Variants in BTG4 observed in about 807,000 individuals in gnomAD.
BTG4 encodes BTG anti-proliferation factor 4.
Under a neutral mutation model 19.3 loss-of-function variants are expected in BTG4, and 10 were observed. That is an observed-to-expected ratio of 0.52 (90% CI 0.32 to 0.88). BTG4 has a LOEUF of 0.88. BTG4 is among the 40% of genes least tolerant of loss of function. The pLI is 0.04. For synonymous variants in BTG4, 91 were observed against 95.7 expected (o/e 0.95, Z 0.29); for missense variants, 238 against 281.9 (o/e 0.84, Z 1.11).
chr11:111,413,372 CG>C, the BTG4 span, among the ~76,000 whole-genome samples: 34 of 152,362 alleles, frequency 2.2e-4, no homozygotes, highest in South Asian at 4.1e-4. Context: ...CTCAGGTGAT[CG>C]GAATGCACAC....
At chr11:111,462,616 C>T (rs1165384091), downstream of BTG4, among the ~76,000 whole-genome samples, 2 of 152,232 alleles carry the variant, frequency 1.3e-5, no homozygotes, top group Admixed American at 6.5e-5. Context: ...ATTGTCTTTT[C>T]TTCTCCTCCC....
the BTG4 span, among the ~76,000 whole-genome samples, chr11:111,403,184 C>A: frequency 5.3e-5 from 8 of 152,276 alleles, no homozygotes; most frequent in Admixed American, 5.2e-4. Flanking sequence ...GATTTCTCTA[C>A]TTGAGAAACC....
chr11:111,448,494 A>C, the BTG4 span: 1 of 152,982 alleles, frequency 6.5e-6, no homozygotes, highest in Non-Finnish European at 1.5e-5. Context: ...TCCCCCGGGA[A>C]CTTTCCTGTC....
At chr11:111,500,001 G>A (rs573307258) in intron 1 of BTG4, among the ~76,000 whole-genome samples, 2 of 152,154 alleles carry the variant, frequency 1.3e-5, no homozygotes, top group East Asian at 3.9e-4. Context: ...AATTATCCAG[G>A]CATGGTGGCA....
chr11:111,507,739 A>G (rs1374236689), intron 1 of BTG4: 2 of 152,186 alleles, frequency 1.3e-5, no homozygotes, highest in East Asian at 3.8e-4. Context: ...GTCAGCCCCT[A>G]AAGAGGAGAG....
At chr11:111,404,573 T>C in the BTG4 span, 7 of 456,102 alleles carry the variant, frequency 1.5e-5, no homozygotes, top group African/African-American at 1.2e-4. Context: ...CTCCTCACTT[T>C]TTCAGTTATT....
At chr11:111,436,132 G>C in the BTG4 span, among the ~76,000 whole-genome samples, 1 of 152,080 alleles carries the variant, frequency 6.6e-6, no homozygotes, top group Non-Finnish European at 1.5e-5. Context: ...GGAAGCAAGG[G>C]GCTCACAGAA....
chr11:111,406,507 A>T, the BTG4 span, among the ~76,000 whole-genome samples: 986 of 152,296 alleles, frequency 6.5e-3, 10 homozygotes, highest in African/African-American at 0.022. Flanking sequence ...AATGAGACCC[A>T]ATTTTTCTTA....
the BTG4 span, among the ~76,000 whole-genome samples, chr11:111,434,253 GA>G: frequency 1.3e-5 from 2 of 152,204 alleles, no homozygotes; most frequent in Non-Finnish European, 2.9e-5. Context: ...CCTTTGCAGG[GA>G]CATGGATGAA....
chr11:111,415,399 A>G, the BTG4 span, among the ~76,000 whole-genome samples: 1 of 152,252 alleles, frequency 6.6e-6, no homozygotes, highest in Admixed American at 6.5e-5. Context: ...GGAAGTGAAT[A>G]TAAAAGATAG....
At chr11:111,496,951 C>A in intron 4 of BTG4, 1 of 386,052 alleles carries the variant, frequency 2.6e-6, no homozygotes, top group Non-Finnish European at 4.6e-6. Context: ...TGGAAGGAAA[C>A]CTGTGTATCT....
At chr11:111,451,530 C>G in the BTG4 span, 1 of 365,214 alleles carries the variant, frequency 2.7e-6, no homozygotes, top group South Asian at 2.0e-5. Context: ...CTTTGGGAGG[C>G]CAAGGAGGGC....
the BTG4 span, among the ~76,000 whole-genome samples, chr11:111,408,159 G>A: frequency 6.6e-6 from 1 of 152,260 alleles, no homozygotes; most frequent in Non-Finnish European, 1.5e-5. Flanking sequence ...CAGAGGACAG[G>A]TGGAGATGGT....
chr11:111,424,399 G>A, the BTG4 span, among the ~76,000 whole-genome samples: 5 of 152,228 alleles, frequency 3.3e-5, no homozygotes, highest in Admixed American at 6.5e-5. Context: ...ATGAGTTAAC[G>A]CGAAAATGCT....
intron 1 of BTG4, among the ~76,000 whole-genome samples, chr11:111,504,026 A>G (rs1478904032): frequency 6.6e-6 from 1 of 152,148 alleles, no homozygotes; most frequent in Non-Finnish European, 1.5e-5. Flanking sequence ...CTTGTGATGT[A>G]ATAACCAGTC....
At chr11:111,428,952 A>T in the BTG4 span, among the ~76,000 whole-genome samples, 7 of 152,332 alleles carry the variant, frequency 4.6e-5, no homozygotes, top group South Asian at 1.2e-3. Flanking sequence ...ATATTTACAG[A>T]CCACTCACTA....
chr11:111,456,667 C>T, the BTG4 span: 1 of 398,764 alleles, frequency 2.5e-6, no homozygotes, highest in Non-Finnish European at 5.2e-6. The surrounding 1 kb of genome is among the most constrained non-coding windows in gnomAD (Gnocchi z 4.2). Flanking sequence ...TGGGAGGGTG[C>T]TGCCCGAGGC....
chr11:111,506,359 C>T (rs1866455963), intron 1 of BTG4, among the ~76,000 whole-genome samples: 1 of 151,916 alleles, frequency 6.6e-6, no homozygotes, highest in Non-Finnish European at 1.5e-5. Flanking sequence ...AGGCCATTAC[C>T]CAAAGTCAAC....
chr11:111,491,127 G>T (rs1485908498), downstream of BTG4, among the ~76,000 whole-genome samples: 1 of 152,120 alleles, frequency 6.6e-6, no homozygotes, highest in African/African-American at 2.4e-5. Context: ...ATTCCAAAAG[G>T]TTACCTACAG....
Sources: allele counts gnomAD v4.1 joint callset (sites outside exome capture counted in the v4.1 genomes callset), GRCh38; gene constraint gnomAD v4.1.1; non-coding constraint Gnocchi (gnomAD v3.1); transcripts MANE v1.5; gene names NCBI Gene and HGNC (gene_info 2026-07-23, HGNC 2026-07-21).